Variants in TTC39B observed in about 807,000 individuals in gnomAD.
TTC39B encodes the protein tetratricopeptide repeat protein 39B.
A neutral mutation model predicts 96.6 loss-of-function variants in TTC39B; 92 were observed. The ratio of observed to expected loss-of-function variants is 0.95; its 90% CI spans 0.80 to 1.13. TTC39B has a LOEUF of 1.13. Among genes scored for constraint, TTC39B ranks in the 50% most tolerant of loss-of-function variants. The probability of loss-of-function intolerance (pLI) is 0.00; values close to 1 mark genes in which losing one functional copy is unlikely to be tolerated. For missense variants in TTC39B, 955 were observed against 809.3 expected (o/e 1.18, Z -2.18); for synonymous variants, 367 against 299.4 (o/e 1.23, Z -2.33).
chr9:15,293,492 A>G (rs1456776804), intron 1 of TTC39B, among the ~76,000 whole-genome samples: 2 of 152,174 alleles, frequency 1.3e-5, no homozygotes, highest in African/African-American at 2.4e-5. Context: ...GGCATGAGAA[A>G]AGAAACCACA....
intron 3 of TTC39B, among the ~76,000 whole-genome samples, chr9:15,218,071 G>C (rs1195192900): frequency 6.6e-6 from 1 of 151,668 alleles, no homozygotes; most frequent in Non-Finnish European, 1.5e-5. Flanking sequence ...AGCTGGGCAT[G>C]GTGGCTCACA....
At chr9:15,277,343 G>C (rs566913660) in intron 1 of TTC39B, among the ~76,000 whole-genome samples, 1 of 152,298 alleles carries the variant, frequency 6.6e-6, no homozygotes, top group South Asian at 2.1e-4. Context: ...CAGGAGAATT[G>C]CTTGAACCCG....
intron 2 of TTC39B, among the ~76,000 whole-genome samples, chr9:15,254,852 C>G (rs200015327): frequency 2.3e-5 from 3 of 132,592 alleles, no homozygotes; most frequent in African/African-American, 1.0e-4. Flanking sequence ...CACACACACA[C>G]ACACACACAA....
At chr9:15,258,001 G>A (rs200955559) in intron 2 of TTC39B, among the ~76,000 whole-genome samples, 121 of 152,048 alleles carry the variant, frequency 8.0e-4, no homozygotes, top group African/African-American at 2.6e-3. Context: ...CAGAGGTTGC[G>A]GTGAGCCGAG....
chr9:15,196,544 C>A (rs1819181363), intron 8 of TTC39B, among the ~76,000 whole-genome samples: 1 of 152,170 alleles, frequency 6.6e-6, no homozygotes, highest in African/African-American at 2.4e-5. Flanking sequence ...AGAAAGAGAA[C>A]TAGAATTAGA....
At chr9:15,285,519 C>G (rs1335530170) in intron 1 of TTC39B, among the ~76,000 whole-genome samples, 1 of 152,128 alleles carries the variant, frequency 6.6e-6, no homozygotes. Context: ...TAAATGTATA[C>G]GCCTATTATG....
At chr9:15,215,022 G>A (rs1820430083) in intron 3 of TTC39B, among the ~76,000 whole-genome samples, 1 of 152,216 alleles carries the variant, frequency 6.6e-6, no homozygotes, top group South Asian at 2.1e-4. Flanking sequence ...AGGAGACTGA[G>A]GCAGGAGGAA....
Position 15,306,435 on chromosome 9 carries a change from C to T in TTC39B, c.240+649G>A, listed in dbSNP as rs1416309044. On this transcript the variant is annotated intron_variant, in intron 1 of 19. Transcript: ENST00000512701. This position sits in a 1 kb window ranked among gnomAD's most constrained non-coding sequence, Gnocchi z 5.1. ...AAAGTGGTTTCCCTCCGGCCACCAC[C>T]GACTCTGAGGACCTGCTAGGGGAAG... Among the ~76,000 whole-genome samples the T allele has an allele frequency of 6.6e-6, 1 of 152,170 alleles. No homozygotes were observed. Among genetic ancestry groups the T allele is most frequent in the Non-Finnish European group, 1.5e-5 (1 of 68,022 alleles).
chr9:15,284,534 T>C (rs1366892346), intron 1 of TTC39B, among the ~76,000 whole-genome samples: 3 of 152,224 alleles, frequency 2.0e-5, no homozygotes, highest in Non-Finnish European at 2.9e-5. Flanking sequence ...TCAGACATTA[T>C]ATAAATAAAG....
intron 8 of TTC39B, among the ~76,000 whole-genome samples, chr9:15,197,083 G>T (rs1321644920): frequency 6.6e-6 from 1 of 152,154 alleles, no homozygotes; most frequent in Non-Finnish European, 1.5e-5. Flanking sequence ...AATGGTATTG[G>T]CAGACTTAAC....
At chr9:15,280,378 G>A (rs1477673211) in intron 1 of TTC39B, among the ~76,000 whole-genome samples, 2 of 152,202 alleles carry the variant, frequency 1.3e-5, no homozygotes, top group African/African-American at 4.8e-5. Context: ...CGCAATGAAT[G>A]AAACATCAGG....
At chr9:15,197,253 A>G (rs1819223572) in intron 8 of TTC39B, among the ~76,000 whole-genome samples, 1 of 152,186 alleles carries the variant, frequency 6.6e-6, no homozygotes, top group Non-Finnish European at 1.5e-5. Flanking sequence ...TCCTATTTTA[A>G]TCCTTTAGTA....
chr9:15,242,503 A>T (rs989333074), intron 2 of TTC39B, among the ~76,000 whole-genome samples: 2 of 152,180 alleles, frequency 1.3e-5, no homozygotes, highest in Non-Finnish European at 2.9e-5. Context: ...GGATCGCTTG[A>T]AACAGGACGG....
At chr9:15,250,876 T>C (rs1048989610) in intron 2 of TTC39B, among the ~76,000 whole-genome samples, 2 of 152,196 alleles carry the variant, frequency 1.3e-5, no homozygotes, top group Non-Finnish European at 2.9e-5. Context: ...GTTTTTAGTA[T>C]AGGACTCACT....
intron 1 of TTC39B, among the ~76,000 whole-genome samples, chr9:15,294,777 A>G (rs982014911): frequency 6.6e-6 from 1 of 152,218 alleles, no homozygotes; most frequent in Admixed American, 6.5e-5. Context: ...GGCTGGGCCA[A>G]TCTTTACACA....
At position 15,187,952 on chromosome 9, in the gene TTC39B, T is replaced by C. The variant is rs1440024091; in HGVS notation, c.1395+19A>G. ...TGTATTAGCAAACAGATGACATTAATGAAAGTATTGCACTTTACCTTGGAC... is the reference window on the plus strand; with the variant it reads ...TGTATTAGCAAACAGATGACATTAACGAAAGTATTGCACTTTACCTTGGAC... On this transcript the variant is annotated intron_variant, in intron 14 of 19. Coordinates refer to ENST00000512701, the Ensembl canonical transcript of TTC39B. 6.5e-7 allele frequency: 1 copy of C among 1,546,474 alleles called. No homozygotes were observed.
intron 2 of TTC39B, among the ~76,000 whole-genome samples, chr9:15,245,239 T>G (rs534182784): frequency 6.6e-6 from 1 of 152,338 alleles, no homozygotes; most frequent in East Asian, 1.9e-4. Flanking sequence ...AAAGTACCCA[T>G]GAATATTTCA....
chr9:15,179,291 T>C (rs570936277), intron 17 of TTC39B, among the ~76,000 whole-genome samples: 5 of 152,196 alleles, frequency 3.3e-5, no homozygotes, highest in African/African-American at 1.2e-4. Context: ...AAAGGGAACA[T>C]ACGAGGCCCT....
At chr9:15,179,297 G>A (rs1442017337) in intron 17 of TTC39B, among the ~76,000 whole-genome samples, 1 of 152,150 alleles carries the variant, frequency 6.6e-6, no homozygotes, top group Non-Finnish European at 1.5e-5. Flanking sequence ...AACATACGAG[G>A]CCCTGGGAGT....
Sources: allele counts gnomAD v4.1 joint callset (sites outside exome capture counted in the v4.1 genomes callset), GRCh38; gene constraint gnomAD v4.1.1; non-coding constraint Gnocchi (gnomAD v3.1); transcripts MANE v1.5; gene names NCBI Gene and HGNC (gene_info 2026-07-23, HGNC 2026-07-21).